Variants in CCDC102B observed in about 807,000 individuals in gnomAD.
The protein encoded by CCDC102B is coiled-coil domain-containing protein 102B.
Under a neutral mutation model 57.4 loss-of-function variants are expected in CCDC102B, and 75 were observed. The observed-to-expected ratio is 1.31, with a 90% confidence interval of 1.08 to 1.58. The LOEUF is 1.58. Ranked by LOEUF, CCDC102B falls within the 40% of genes most tolerant of loss-of-function variation. The pLI is 0.00. For missense variants in CCDC102B, 636 were observed against 582.6 expected (o/e 1.09, Z -0.94); for synonymous variants, 206 against 201.9 (o/e 1.02, Z -0.17).
intron 2 of CCDC102B, among the ~76,000 whole-genome samples, chr18:68,768,568 A>G (rs566854484): frequency 6.6e-5 from 10 of 152,318 alleles, no homozygotes; most frequent in South Asian, 2.1e-4. Flanking sequence ...GTAACTACTC[A>G]ATAGCAAATT....
At chr18:68,724,375 C>A (rs1247129176) in intron 2 of CCDC102B, among the ~76,000 whole-genome samples, 1 of 152,180 alleles carries the variant, frequency 6.6e-6, no homozygotes, top group Non-Finnish European at 1.5e-5. Flanking sequence ...TACTTCTCCC[C>A]AGAAAATGGG....
chr18:68,961,144 G>A (rs888091455), intron 6 of CCDC102B, among the ~76,000 whole-genome samples: 4 of 152,002 alleles, frequency 2.6e-5, no homozygotes, highest in African/African-American at 9.7e-5. Flanking sequence ...AATGAAAAAT[G>A]TTCCCATGAA....
At chr18:68,755,679 T>TA (rs1327283757) in intron 2 of CCDC102B, among the ~76,000 whole-genome samples, 1 of 152,014 alleles carries the variant, frequency 6.6e-6, no homozygotes, top group Non-Finnish European at 1.5e-5. Context: ...TCCATGTAAT[T>TA]AATCCATAAC....
intron 2 of CCDC102B, among the ~76,000 whole-genome samples, chr18:68,767,607 C>T (rs1480594851): frequency 6.6e-6 from 1 of 152,180 alleles, no homozygotes; most frequent in African/African-American, 2.4e-5. Context: ...GATACTAGAA[C>T]CTCATGCAAA....
chr18:68,828,168 CTA>C (rs1327860760), intron 1 of CCDC102B, among the ~76,000 whole-genome samples: 1 of 151,518 alleles, frequency 6.6e-6, no homozygotes, highest in African/African-American at 2.4e-5. Context: ...AATAAAATGA[CTA>C]CACAGAATAT....
Position 68,990,088 on chromosome 18 carries a change from T to C in CCDC102B, c.1264-20846T>C, listed in dbSNP as rs572546009. Among the ~76,000 whole-genome samples, 101 of 152,360 alleles carry C rather than the reference T, an allele frequency of 6.6e-4. No homozygotes were observed. In the South Asian group the frequency reaches 0.016, roughly 25 times the overall value. ...AAAATTCTGAAATTACAGGCAATTA[T>C]CAGTGAAGCACCATCTCTTTGCTCC... On this transcript the variant is annotated intron_variant, in intron 6 of 7. Coordinates refer to ENST00000360242, the MANE Select transcript of CCDC102B (RefSeq NM_024781.3).
At chr18:68,966,135 A>AT (rs1197120114) in intron 6 of CCDC102B, among the ~76,000 whole-genome samples, 1 of 152,032 alleles carries the variant, frequency 6.6e-6, no homozygotes, top group Non-Finnish European at 1.5e-5. Context: ...TTCTGTTCTC[A>AT]TTTTTTTAAA....
chr18:68,997,323 G>T (rs1241860426), intron 6 of CCDC102B, among the ~76,000 whole-genome samples: 1 of 152,072 alleles, frequency 6.6e-6, no homozygotes, highest in African/African-American at 2.4e-5. Flanking sequence ...TAATTTGGTT[G>T]TTTGGCAGAG....
chr18:68,896,767 GAGAT>G (rs1319695144), intron 5 of CCDC102B, among the ~76,000 whole-genome samples: 15 of 151,880 alleles, frequency 9.9e-5, no homozygotes, highest in Middle Eastern at 3.4e-3. Flanking sequence ...CATAGATAGA[GAGAT>G]AGAGAGATAG....
chr18:68,855,864 C>A (rs2038361983), intron 4 of CCDC102B, among the ~76,000 whole-genome samples: 1 of 152,052 alleles, frequency 6.6e-6, no homozygotes, highest in Non-Finnish European at 1.5e-5. Context: ...GTGTAATTTT[C>A]TCTTTCCCAT....
intron 6 of CCDC102B, among the ~76,000 whole-genome samples, chr18:68,938,694 T>A (rs968068438): frequency 6.6e-6 from 1 of 151,496 alleles, no homozygotes; most frequent in Non-Finnish European, 1.5e-5. Context: ...TTTATATTCT[T>A]TGTTATAAAT....
At chr18:68,785,289 C>G (rs1348462416) in intron 2 of CCDC102B, among the ~76,000 whole-genome samples, 1 of 152,068 alleles carries the variant, frequency 6.6e-6, no homozygotes, top group African/African-American at 2.4e-5. Flanking sequence ...AATAAACATA[C>G]ATGTGCATGT....
chr18:68,970,508 A>T (rs2050272332), intron 6 of CCDC102B, among the ~76,000 whole-genome samples: 2 of 151,384 alleles, frequency 1.3e-5, no homozygotes, highest in South Asian at 4.2e-4. Flanking sequence ...AGTCTTCATC[A>T]TTTGATTGTA....
At chr18:68,952,248 A>T (rs929964674) in intron 6 of CCDC102B, among the ~76,000 whole-genome samples, 1 of 152,038 alleles carries the variant, frequency 6.6e-6, no homozygotes, top group African/African-American at 2.4e-5. Context: ...AAATTTAAAT[A>T]TGACAAATTG....
At chr18:68,740,657 G>A (rs1363302355) in intron 2 of CCDC102B, among the ~76,000 whole-genome samples, 1 of 152,218 alleles carries the variant, frequency 6.6e-6, no homozygotes, top group African/African-American at 2.4e-5. Context: ...GGAGGTGGTG[G>A]AGTAGATCGC....
intron 2 of CCDC102B, among the ~76,000 whole-genome samples, chr18:68,750,103 C>T (rs942855889): frequency 2.6e-5 from 4 of 152,086 alleles, no homozygotes; most frequent in African/African-American, 9.7e-5. Flanking sequence ...CAAACATCTC[C>T]ATCAAAAAGT....
chr18:69,012,038 A>T (rs1381050677), intron 7 of CCDC102B, among the ~76,000 whole-genome samples: 1 of 152,058 alleles, frequency 6.6e-6, no homozygotes, highest in African/African-American at 2.4e-5. Context: ...AGGCTCACAC[A>T]CTGTCCTCTG....
At chr18:68,930,156 C>T (rs891294601) in intron 6 of CCDC102B, among the ~76,000 whole-genome samples, 8 of 150,106 alleles carry the variant, frequency 5.3e-5, no homozygotes, top group Non-Finnish European at 1.0e-4. Flanking sequence ...CTTGGATTTA[C>T]AATTATTTGA....
intron 7 of CCDC102B, among the ~76,000 whole-genome samples, chr18:69,017,174 G>T (rs1000302812): frequency 4.6e-5 from 7 of 152,054 alleles, no homozygotes; most frequent in South Asian, 2.1e-4. Flanking sequence ...GGAGTGCAGT[G>T]GGGCGGTCTT....
Sources: allele counts gnomAD v4.1 joint callset (sites outside exome capture counted in the v4.1 genomes callset), GRCh38; gene constraint gnomAD v4.1.1; transcripts MANE v1.5; gene names NCBI Gene and HGNC (gene_info 2026-07-23, HGNC 2026-07-21).